CELF2: variants seen among roughly 807,000 people sequenced by gnomAD.
CELF2 encodes the protein CUGBP Elav-like family member 2.
A neutral mutation model predicts 62.6 loss-of-function variants in CELF2; 8 were observed. The ratio of observed to expected loss-of-function variants is 0.13; its 90% confidence interval spans 0.07 to 0.23. The LOEUF (loss-of-function observed/expected upper bound fraction) is 0.23. CELF2 is among the 10% of genes least tolerant of loss of function. The pLI is 1.00. For missense variants in CELF2, 333 were observed against 671.0 expected, an observed-to-expected ratio of 0.50 and a Z score of 5.56; for synonymous variants, 258 against 250.0, an observed-to-expected ratio of 1.03 and a Z score of -0.30.
intron 1 of CELF2, among the ~76,000 whole-genome samples, chr10:11,094,934 T>A (rs1048022370): frequency 6.6e-6 from 1 of 152,232 alleles, no homozygotes. Context: ...GTGTCCATTC[T>A]AATTTCCCAA....
chr10:10,691,739 G>C, the CELF2 span, among the ~76,000 whole-genome samples: 36 of 146,026 alleles, frequency 2.5e-4, no homozygotes, highest in African/African-American at 8.7e-4. Flanking sequence ...GTTTTGATTT[G>C]CATTTCTCTG....
the CELF2 span, among the ~76,000 whole-genome samples, chr10:10,735,883 C>T: frequency 6.6e-6 from 1 of 152,128 alleles, no homozygotes; most frequent in Non-Finnish European, 1.5e-5. Flanking sequence ...TGAATGTGAG[C>T]ACCATGACAG....
At chr10:10,906,717 C>CTT (rs397846553) in intron 1 of CELF2, among the ~76,000 whole-genome samples, 5,659 of 109,098 alleles carry the variant, frequency 0.052, 617 homozygotes, top group East Asian at 0.3. Flanking sequence ...TTTTTCTTTT[C>CTT]TTTTTTTTTT....
At chr10:10,687,879 C>T in the CELF2 span, among the ~76,000 whole-genome samples, 9 of 152,216 alleles carry the variant, frequency 5.9e-5, no homozygotes, top group Admixed American at 4.6e-4. Context: ...GCCAGAATGT[C>T]TGGGAATTTC....
At chr10:10,783,729 A>G in the CELF2 span, among the ~76,000 whole-genome samples, 641 of 152,274 alleles carry the variant, frequency 4.2e-3, 5 homozygotes, top group African/African-American at 0.015. Context: ...GCTCATGCCT[A>G]TAATCCCAGC....
the CELF2 span, among the ~76,000 whole-genome samples, chr10:10,744,356 A>C: frequency 6.6e-6 from 1 of 152,208 alleles, no homozygotes; most frequent in Non-Finnish European, 1.5e-5. Flanking sequence ...AGAAATCTTT[A>C]GGTCATAAAT....
chr10:11,170,091 A>G (rs1425380199), intron 2 of CELF2, among the ~76,000 whole-genome samples: 2 of 151,652 alleles, frequency 1.3e-5, no homozygotes, highest in Non-Finnish European at 2.9e-5. Context: ...GTGCCTTTCT[A>G]GTAGTCTGGC....
chr10:10,761,906 G>A, the CELF2 span, among the ~76,000 whole-genome samples: 2 of 12,356 alleles, frequency 1.6e-4, no homozygotes, highest in African/African-American at 2.6e-4. Flanking sequence ...ATAATAAACC[G>A]TGTGTGTGTG....
chr10:10,699,985 T>G, the CELF2 span, among the ~76,000 whole-genome samples: 1 of 152,158 alleles, frequency 6.6e-6, no homozygotes, highest in Non-Finnish European at 1.5e-5. Context: ...GATATTTCAG[T>G]ATTTCCAGAA....
At chr10:11,206,299 C>T (rs1025924622) in intron 2 of CELF2, among the ~76,000 whole-genome samples, 5 of 152,156 alleles carry the variant, frequency 3.3e-5, no homozygotes, top group Admixed American at 1.3e-4. Context: ...AATTGAGAAT[C>T]GTAGGAAAAT....
chr10:11,227,514 A>C lies in CELF2; in HGVS notation c.354+10007A>C, dbSNP rs911474904. Among the ~76,000 whole-genome samples, 1 of 152,212 alleles carries C rather than the reference A, an allele frequency of 6.6e-6. No individual in the cohort carries two copies. The highest frequency in any genetic ancestry group is 2.4e-5 in the African/African-American group (1 of 41,454). ...CTGGAAGCTTGGACATTCCTAGGCC[A>C]GTTAGGATCAAAGGCTGAGCACTGG... On this transcript the variant is annotated intron_variant, in intron 3 of 12. Coordinates refer to ENST00000633077, the MANE Select transcript of CELF2 (RefSeq NM_001326342.2). This position sits in a 1 kb window ranked among gnomAD's most constrained non-coding sequence, Gnocchi z 4.8.
At chr10:11,125,307 AT>A (rs1295838068) in intron 1 of CELF2, among the ~76,000 whole-genome samples, 7 of 152,102 alleles carry the variant, frequency 4.6e-5, no homozygotes, top group African/African-American at 1.7e-4. Flanking sequence ...GTTAATTTGG[AT>A]GTAAATCTAA....
chr10:10,625,987 C>T, the CELF2 span, among the ~76,000 whole-genome samples: 4 of 151,700 alleles, frequency 2.6e-5, no homozygotes, highest in African/African-American at 9.7e-5. Context: ...TGGAGTATAA[C>T]AACCCTACAG....
At chr10:11,125,161 A>G (rs1336342908) in intron 1 of CELF2, among the ~76,000 whole-genome samples, 1 of 152,156 alleles carries the variant, frequency 6.6e-6, no homozygotes, top group East Asian at 1.9e-4. Flanking sequence ...AAGAACTTAC[A>G]CAGATGTAGT....
the CELF2 span, among the ~76,000 whole-genome samples, chr10:10,600,708 G>A: frequency 6.6e-6 from 1 of 152,198 alleles, no homozygotes; most frequent in Non-Finnish European, 1.5e-5. Flanking sequence ...AAGTTTTTCA[G>A]TTTGTTAAAG....
At chr10:10,857,649 G>GTTTATTTATATA in intron 1 of CELF2, among the ~76,000 whole-genome samples, 1 of 94,210 alleles carries the variant, frequency 1.1e-5, no homozygotes, top group African/African-American at 4.7e-5. Flanking sequence ...CATATATATA[G>GTTTATTTATATA]TATATATATA....
At chr10:10,653,107 A>G in the CELF2 span, among the ~76,000 whole-genome samples, 4 of 152,298 alleles carry the variant, frequency 2.6e-5, no homozygotes, top group South Asian at 6.2e-4. Context: ...ACAAACATCA[A>G]AAGAGACAAA....
chr10:11,331,339 G>T lies in CELF2; in HGVS notation c.*2286G>T, dbSNP rs1292617712. On this transcript the variant is annotated 3_prime_UTR_variant, in exon 13 of 13. Transcript: ENST00000633077. The stretch of plus-strand genomic sequence containing the variant: ...GTTGTTTGCTTAAAAAAAATTTCAT[G>T]TGAGGGAAAAAAAAAAAACCTATTC... The T allele has an allele frequency of 6.8e-6, 1 of 146,818 alleles. No homozygotes were observed. The highest frequency in any genetic ancestry group is 1.5e-5 in the Non-Finnish European group (1 of 66,592). 9.1% of individuals were successfully genotyped at this position (146,818 alleles called of 1,614,324 possible).
rs755063120 is a variant in CELF2 at position 11,331,637 on chromosome 10, AGTTT to A, written c.*2588_*2591del. 2 of 152,428 alleles carry A rather than the reference AGTTT, an allele frequency of 1.3e-5. No homozygotes were observed. Among genetic ancestry groups the A allele is most frequent in the Non-Finnish European group, 2.9e-5 (2 of 67,984 alleles). 9.4% of individuals were successfully genotyped at this position (152,428 alleles called of 1,614,324 possible). ...AAAACAAAACAAAAAAAGGTTACAA[AGTTT>A]GTTAACTTGCTATCCTGTGGTCTTG... On this transcript the variant is annotated 3_prime_UTR_variant, in exon 13 of 13. Coordinates refer to ENST00000633077, the MANE Select transcript of CELF2 (RefSeq NM_001326342.2).
Sources: gnomAD v4.1 joint callset for allele counts (sites outside exome capture counted in the v4.1 genomes callset) on GRCh38, gnomAD v4.1.1 for gene constraint, Gnocchi (gnomAD v3.1) non-coding constraint, MANE v1.5 for transcripts, NCBI Gene and HGNC (gene_info 2026-07-23, HGNC 2026-07-21) for gene names.